The following TARBP1 variants were observed in gnomAD, a reference collection of about 807,000 sequenced individuals.
TARBP1 encodes tRNA (guanosine(18)-2'-O)-methyltransferase TARBP1.
A neutral mutation model predicts 178.6 loss-of-function variants in TARBP1; 144 were observed. The observed-to-expected ratio is 0.81, with a 90% CI of 0.70 to 0.93. The LOEUF (loss-of-function observed/expected upper bound fraction) is 0.93, where lower values mean the gene tolerates loss of function less well. TARBP1 is among the 40% of genes least tolerant of loss of function. The pLI, the probability that TARBP1 is intolerant of heterozygous loss-of-function variation, is 0.00. For synonymous variants in TARBP1, 787 were observed against 781.0 expected, an observed-to-expected ratio of 1.01 and a Z score of -0.13; for missense variants, 2,067 against 2,011.7, an observed-to-expected ratio of 1.03 and a Z score of -0.53.
chr1:234,460,439 C>T, intron 6 of TARBP1, 43 bp from the exon 7 acceptor site: 1 of 1,605,042 alleles, frequency 6.2e-7, no homozygotes, highest in South Asian at 1.1e-5. Context: ...CCAATTAGCA[C>T]ATGAAAAGAA....
chr1:234,447,529 GGACC>G (rs1488455875), intron 11 of TARBP1, among the ~76,000 whole-genome samples: 24 of 151,526 alleles, frequency 1.6e-4, no homozygotes, highest in Non-Finnish European at 3.4e-4. Flanking sequence ...TAAGTAGCTG[GGACC>G]ACAGGTGTGA....
chr1:234,417,741 C>T (rs1052601230), intron 22 of TARBP1, among the ~76,000 whole-genome samples: 14 of 152,212 alleles, frequency 9.2e-5, no homozygotes, highest in Non-Finnish European at 1.0e-4. Context: ...TTTTAAGGAA[C>T]GCAATTAATT....
chr1:234,404,761 C>T (rs189312807), intron 24 of TARBP1, among the ~76,000 whole-genome samples: 141 of 152,322 alleles, frequency 9.3e-4, no homozygotes, highest in African/African-American at 3.4e-3. Flanking sequence ...CATCTCCCCA[C>T]AGCTAACTCT....
chr1:234,394,855 G>A (rs1444843474), intron 26 of TARBP1, among the ~76,000 whole-genome samples: 1 of 152,216 alleles, frequency 6.6e-6, no homozygotes, highest in African/African-American at 2.4e-5. Flanking sequence ...AACTTTGGGA[G>A]GCTGAGGGAG....
chr1:234,422,193 G>C (rs1278666688), intron 20 of TARBP1, among the ~76,000 whole-genome samples: 2 of 152,124 alleles, frequency 1.3e-5, no homozygotes, highest in South Asian at 4.2e-4. Context: ...CCCTCAACTG[G>C]AAGTTGAGAA....
chr1:234,439,035 AGAAATGAAGGT>A (rs1474669660), intron 12 of TARBP1, among the ~76,000 whole-genome samples: 1 of 152,238 alleles, frequency 6.6e-6, no homozygotes, highest in East Asian at 1.9e-4. Context: ...AATATCCTTC[AGAAATGAAGGT>A]GAAATAAAGA....
chr1:234,396,324 T>G (rs1205601798), intron 26 of TARBP1, among the ~76,000 whole-genome samples: 5 of 152,196 alleles, frequency 3.3e-5, no homozygotes, highest in African/African-American at 1.2e-4. Flanking sequence ...GTCACTGTCC[T>G]TTGCTCTAGA....
chr1:234,441,768 G>C (rs12760253), intron 12 of TARBP1, among the ~76,000 whole-genome samples: 23,308 of 152,056 alleles, frequency 0.15, 1,983 homozygotes, highest in Middle Eastern at 0.2. Flanking sequence ...CTAGAGATTT[G>C]CCTATTCCGG....
At chr1:234,439,942 A>T (rs1333823585) in intron 12 of TARBP1, among the ~76,000 whole-genome samples, 1 of 152,220 alleles carries the variant, frequency 6.6e-6, no homozygotes, top group African/African-American at 2.4e-5. Context: ...CCACTAGTAA[A>T]ATAATATTCT....
chr1:234,472,652 TG>T, intron 2 of TARBP1, 61 bp downstream of exon 2: 1 of 1,127,170 alleles, frequency 8.9e-7, no homozygotes, highest in Non-Finnish European at 1.3e-6. Context: ...TTTTAATGAA[TG>T]TTTTTAAAAA....
chr1:234,427,503 CAA>C (rs1363946795), intron 18 of TARBP1, 71 bp downstream of exon 18: 1 of 1,470,962 alleles, frequency 6.8e-7, no homozygotes, highest in East Asian at 2.4e-5. Context: ...AGCCTCAAAA[CAA>C]AGACATAATT....
Position 234,429,339 on chromosome 1 carries a change from A to AAT in TARBP1, c.2872-16_2872-15insAT. The AAT allele has an allele frequency of 6.4e-7, 1 of 1,568,094 alleles. No individual in the cohort carries two copies. ...GAAGTCAGAAGCTGGTAGGAAAAAA[A>AAT]AAAATACATACTTATTTCAAAAACT... On this transcript the variant is annotated splice_polypyrimidine_tract_variant and intron_variant, in intron 16 of 29. Coordinates refer to ENST00000040877, the MANE Select transcript of TARBP1 (RefSeq NM_005646.4).
At chr1:234,461,193 A>C (rs1667819064) in intron 6 of TARBP1, among the ~76,000 whole-genome samples, 1 of 152,232 alleles carries the variant, frequency 6.6e-6, no homozygotes, top group South Asian at 2.1e-4. Context: ...ATCTCAATAA[A>C]GCTGTTGTAA....
chr1:234,456,741 A>G (rs1667325855), intron 9 of TARBP1, among the ~76,000 whole-genome samples: 1 of 152,240 alleles, frequency 6.6e-6, no homozygotes, highest in South Asian at 2.1e-4. Context: ...GAGAATACGT[A>G]TATTCATAGG....
chr1:234,471,300 C>T, intron 2 of TARBP1, 43 bp from the exon 3 acceptor site: 1 of 1,325,016 alleles, frequency 7.5e-7, no homozygotes, highest in Non-Finnish European at 1.1e-6. Flanking sequence ...GAAAATGCAT[C>T]TTGAAAAATG....
chr1:234,398,422 A>G lies in TARBP1; in HGVS notation c.4203T>C (p.Leu1401=). The G allele has an allele frequency of 6.2e-7, 1 of 1,611,214 alleles. No individual in the cohort carries two copies. Among genetic ancestry groups the G allele is most frequent in the Non-Finnish European group, 8.5e-7 (1 of 1,178,370 alleles). Residue 1401 remains leucine (L), a synonymous_variant, in exon 26 of 30, where the codon CTT becomes CTC. Transcript: ENST00000040877. ...ACCAGTCACCTGGTTTTAGTTTACT[A>G]AGTTGAGTTTGAGAAAGGTACCACT... ...GFQWYLSQTQ[L]SKLKPGDWSQ...
chr1:234,425,347 C>G (rs1358749329), intron 20 of TARBP1, among the ~76,000 whole-genome samples: 2 of 152,128 alleles, frequency 1.3e-5, no homozygotes, highest in Non-Finnish European at 2.9e-5. Context: ...TCTCTAAAAC[C>G]AAACTTGAGT....
intron 24 of TARBP1, chr1:234,405,174 T>C (rs1661085743): frequency 6.6e-6 from 1 of 152,086 alleles, no homozygotes; most frequent in Admixed American, 6.6e-5. Context: ...AGATGAAAAA[T>C]CTTTTATGTT....
rs1179098354 is a variant in TARBP1, at chr1:234,429,593, G to C, written c.2694C>G (p.Phe898Leu). 6.2e-7 allele frequency: 1 copy of C among 1,613,874 alleles called. No homozygotes were observed. Among genetic ancestry groups the C allele is most frequent in the East Asian group, 2.2e-5 (1 of 44,870 alleles). ...TAAGGGTGTGATATTTTTTCAACAG[G>C]AAAGAGAGGCACACCCATTGATCAT... ...YIHDQWVCLS[F>L]LLKKYHTLIP... is the part of the protein sequence containing the mutation. The change falls in exon 16 of 30, where the codon TTC becomes TTG. Residue 898 changes from phenylalanine (F) to leucine (L), a missense_variant. By Grantham distance (22) the Phe-to-Leu change is conservative. Transcript: ENST00000040877.
Sources: allele counts gnomAD v4.1 joint callset (sites outside exome capture counted in the v4.1 genomes callset), GRCh38; gene constraint gnomAD v4.1.1; transcripts MANE v1.5; gene names NCBI Gene and HGNC (gene_info 2026-07-23, HGNC 2026-07-21).